Variants in GUCY1A2 observed in about 807,000 individuals in gnomAD.
GUCY1A2 encodes the protein guanylate cyclase soluble subunit alpha-2.
A neutral mutation model predicts 63.5 loss-of-function variants in GUCY1A2; 27 were observed. That is an observed-to-expected ratio of 0.43 (90% CI 0.31 to 0.59). The LOEUF (loss-of-function observed/expected upper bound fraction) is 0.59. GUCY1A2 is among the 20% of genes least tolerant of loss of function. The pLI is 0.11. For synonymous variants in GUCY1A2, 364 were observed against 343.5 expected (o/e 1.06, Z -0.66); for missense variants, 768 against 913.3 (o/e 0.84, Z 2.05).
At chr11:106,689,987 C>T (rs1468591835) in intron 7 of GUCY1A2, among the ~76,000 whole-genome samples, 1 of 138,110 alleles carries the variant, frequency 7.2e-6, no homozygotes, top group Non-Finnish European at 1.5e-5. Context: ...GAGCGAGACT[C>T]AGTCTCAAAA....
chr11:106,919,569 A>C (rs1265293291), intron 4 of GUCY1A2, among the ~76,000 whole-genome samples: 1 of 152,136 alleles, frequency 6.6e-6, no homozygotes, highest in Non-Finnish European at 1.5e-5. Context: ...TGGAAAACTA[A>C]CAATAGACAA....
chr11:106,978,829 C>A, intron 2 of GUCY1A2, 89 bp from the exon 3 acceptor site: 3 of 768,336 alleles, frequency 3.9e-6, no homozygotes, highest in South Asian at 3.8e-5. Context: ...CACACGCAGT[C>A]TATGCTTTCA....
intron 4 of GUCY1A2, among the ~76,000 whole-genome samples, chr11:106,890,690 A>G (rs1218362698): frequency 1.3e-5 from 2 of 152,132 alleles, no homozygotes; most frequent in Admixed American, 6.6e-5. Flanking sequence ...ACACACAACC[A>G]CCTCGGATAT....
intron 3 of GUCY1A2, among the ~76,000 whole-genome samples, chr11:106,947,271 G>A (rs1464355403): frequency 3.0e-4 from 45 of 150,716 alleles, no homozygotes; most frequent in Admixed American, 3.0e-3. Flanking sequence ...ATTATAGTAG[G>A]AAACACTAAT....
chr11:106,856,099 T>C lies in GUCY1A2; in HGVS notation c.1207-45621A>G, dbSNP rs147744401. On this transcript the variant is annotated intron_variant, in intron 4 of 7. Coordinates refer to ENST00000526355, the MANE Select transcript of GUCY1A2 (RefSeq NM_000855.3). The stretch of plus-strand genomic sequence containing the variant: ...TGCCACCACACCTGGCTAAATTTTT[T>C]TTTGTATTTTTTTTTTGGAGACAGA... Among the ~76,000 whole-genome samples, 18 of 133,530 alleles carry C rather than the reference T, an allele frequency of 1.3e-4. No individual in the cohort carries two copies. The East Asian group carries it at 3.7e-3, about 28-fold the overall frequency. The allele number at this position is 133,530 out of a possible 152,430, so 87.6% of individuals were successfully genotyped here.
chr11:106,837,976 C>A (rs931803711), intron 4 of GUCY1A2, among the ~76,000 whole-genome samples: 4 of 151,932 alleles, frequency 2.6e-5, no homozygotes, highest in Non-Finnish European at 5.9e-5. Flanking sequence ...TGCTTTGCAT[C>A]TTCTCTATTC....
intron 5 of GUCY1A2, among the ~76,000 whole-genome samples, chr11:106,802,479 T>C (rs1858623199): frequency 6.6e-6 from 1 of 152,182 alleles, no homozygotes. Context: ...TATGGACTAA[T>C]CTACTAAGAG....
At chr11:106,754,085 G>A (rs1863931235) in intron 6 of GUCY1A2, among the ~76,000 whole-genome samples, 1 of 151,688 alleles carries the variant, frequency 6.6e-6, no homozygotes, top group African/African-American at 2.4e-5. Flanking sequence ...CTTGAAAGTT[G>A]GATTCCCAGG....
At position 106,678,344 on chromosome 11, in the gene GUCY1A2, C is replaced by G. The variant is rs2135325035; in HGVS notation, c.*9205G>C. ...CCAAAAAAATTCAGAAGGAGGGTTT[C>G]ACATTATTGATAAATCAACTAGCTG... is the stretch of plus-strand genomic sequence containing the variant. On this transcript the variant is annotated 3_prime_UTR_variant, in exon 8 of 8. Transcript: ENST00000526355. 1 of 208,984 alleles carries G rather than the reference C, an allele frequency of 4.8e-6. No homozygotes were observed. The highest frequency in any genetic ancestry group is 9.7e-6 in the Non-Finnish European group (1 of 102,642). 12.9% of individuals were successfully genotyped at this position (208,984 alleles called of 1,614,324 possible).
chr11:106,990,175 G>A (rs763234965), intron 1 of GUCY1A2, among the ~76,000 whole-genome samples: 1 of 152,192 alleles, frequency 6.6e-6, no homozygotes, highest in Non-Finnish European at 1.5e-5. Context: ...GAGGAAGCCA[G>A]CTGGAAAGAG....
chr11:106,873,572 G>T (rs754036955), intron 4 of GUCY1A2, among the ~76,000 whole-genome samples: 2 of 151,980 alleles, frequency 1.3e-5, no homozygotes, highest in Non-Finnish European at 2.9e-5. Context: ...GTCTTTTTTT[G>T]AGAAGTGTAT....
intron 4 of GUCY1A2, among the ~76,000 whole-genome samples, chr11:106,811,672 A>G (rs1243603305): frequency 6.6e-6 from 1 of 152,084 alleles, no homozygotes; most frequent in Non-Finnish European, 1.5e-5. Flanking sequence ...TGTTTATATA[A>G]GAAAATAAAA....
intron 3 of GUCY1A2, among the ~76,000 whole-genome samples, chr11:106,974,481 T>C (rs1449375353): frequency 6.6e-6 from 1 of 152,000 alleles, no homozygotes; most frequent in African/African-American, 2.4e-5. Context: ...AACAAAAAAG[T>C]ATATACAAGT....
intron 5 of GUCY1A2, among the ~76,000 whole-genome samples, chr11:106,795,858 T>G (rs1864748850): frequency 6.6e-6 from 1 of 152,096 alleles, no homozygotes; most frequent in South Asian, 2.1e-4. Flanking sequence ...GCTCCAACAC[T>G]AAGAATTTAG....
chr11:106,932,285 T>C (rs1471162490), intron 4 of GUCY1A2, among the ~76,000 whole-genome samples: 2 of 152,108 alleles, frequency 1.3e-5, no homozygotes, highest in East Asian at 1.9e-4. Flanking sequence ...TAGATGACTA[T>C]TGGGAATACA....
chr11:107,003,718 G>A (rs1034571718), intron 1 of GUCY1A2, among the ~76,000 whole-genome samples: 2 of 152,126 alleles, frequency 1.3e-5, no homozygotes, highest in African/African-American at 4.8e-5. Context: ...TCTCCCAAAT[G>A]CCACCTTCCC....
At chr11:106,786,325 T>C (rs1320138802) in intron 5 of GUCY1A2, among the ~76,000 whole-genome samples, 4 of 152,222 alleles carry the variant, frequency 2.6e-5, no homozygotes, top group Non-Finnish European at 2.9e-5. Flanking sequence ...TTGACCCAAA[T>C]ACGGCTGCTT....
chr11:106,803,246 A>G (rs1858635361), intron 5 of GUCY1A2, among the ~76,000 whole-genome samples: 1 of 152,204 alleles, frequency 6.6e-6, no homozygotes, highest in South Asian at 2.1e-4. Flanking sequence ...GCTTTCAGAA[A>G]TATTGTCATC....
At chr11:106,968,548 T>A (rs2120087679) in intron 3 of GUCY1A2, among the ~76,000 whole-genome samples, 1 of 152,276 alleles carries the variant, frequency 6.6e-6, no homozygotes, top group Admixed American at 6.5e-5. Flanking sequence ...CTTATGAAAA[T>A]CACATGCGTT....
Sources: allele counts gnomAD v4.1 joint callset (sites outside exome capture counted in the v4.1 genomes callset), GRCh38; gene constraint gnomAD v4.1.1; transcripts MANE v1.5; gene names NCBI Gene and HGNC (gene_info 2026-07-23, HGNC 2026-07-21).